CNTN4: variants seen among roughly 807,000 people sequenced by gnomAD.
The protein encoded by CNTN4 is contactin-4.
Under a neutral mutation model 122.5 loss-of-function variants are expected in CNTN4, and 77 were observed. The observed-to-expected ratio is 0.63, with a 90% confidence interval of 0.52 to 0.76. CNTN4 has a LOEUF of 0.76. Among genes scored for constraint, CNTN4 ranks in the 30% least tolerant of loss-of-function variants. The probability of loss-of-function intolerance (pLI) is 0.00; values close to 1 mark genes in which losing one functional copy is unlikely to be tolerated. For synonymous variants in CNTN4, 512 were observed against 447.0 expected (o/e 1.15, Z -1.83); for missense variants, 1,256 against 1,259.1 (o/e 1.00, Z 0.04).
chr3:2,510,710 G>A (rs2076862368), intron 3 of CNTN4, among the ~76,000 whole-genome samples: 1 of 152,140 alleles, frequency 6.6e-6, no homozygotes, highest in South Asian at 2.1e-4. Context: ...TTTTGATAAA[G>A]CGCAGAACAC....
At chr3:2,627,853 A>G (rs2082271783) in intron 4 of CNTN4, among the ~76,000 whole-genome samples, 1 of 152,222 alleles carries the variant, frequency 6.6e-6, no homozygotes, top group Non-Finnish European at 1.5e-5. Context: ...TTTATTATGA[A>G]TCAGGATTAA....
At chr3:2,697,812 A>T (rs1158253838) in intron 4 of CNTN4, among the ~76,000 whole-genome samples, 1 of 152,130 alleles carries the variant, frequency 6.6e-6, no homozygotes, top group Non-Finnish European at 1.5e-5. Context: ...CTGGAGATTC[A>T]GGGAAGAGTT....
At position 2,111,868 on chromosome 3, in the gene CNTN4, A is replaced by C. The variant is rs1453849333; in HGVS notation, c.-145+11229A>C. ...CCTTTCAATGCATTTATTCAATATG[A>C]TGCTTGTGTTGTAGATGAAATATGT... On this transcript the variant is annotated intron_variant, in intron 2 of 24. Transcript: ENST00000418658. Among the ~76,000 whole-genome samples the C allele has an allele frequency of 2.6e-5, 4 of 152,112 alleles. No homozygotes were observed. The South Asian group carries it at 8.3e-4, about 32-fold the overall frequency.
intron 24 of CNTN4, 51 bp from the exon 25 acceptor site, chr3:3,056,069 C>G: frequency 6.8e-7 from 1 of 1,462,814 alleles, no homozygotes; most frequent in Non-Finnish European, 9.6e-7. Context: ...CCCCTCTTCC[C>G]TTTGAAGCCG....
intron 6 of CNTN4, among the ~76,000 whole-genome samples, chr3:2,783,764 C>G (rs2091700812): frequency 6.6e-6 from 1 of 152,192 alleles, no homozygotes; most frequent in Non-Finnish European, 1.5e-5. Context: ...AAAGACGAAT[C>G]CATTTTCGGC....
At chr3:2,373,935 A>G (rs1257475278) in intron 3 of CNTN4, among the ~76,000 whole-genome samples, 1 of 152,220 alleles carries the variant, frequency 6.6e-6, no homozygotes, top group Non-Finnish European at 1.5e-5. Flanking sequence ...TGGTTAATTT[A>G]GAAAGCAAAA....
At chr3:2,327,159 G>GTT (rs2043499362) in intron 2 of CNTN4, among the ~76,000 whole-genome samples, 1 of 91,544 alleles carries the variant, frequency 1.1e-5, no homozygotes, top group African/African-American at 3.7e-5. Context: ...GTGTTTGTGT[G>GTT]TGTGTGTGTC....
chr3:2,945,364 A>G (rs571513208), intron 13 of CNTN4, among the ~76,000 whole-genome samples: 32 of 152,324 alleles, frequency 2.1e-4, no homozygotes, highest in African/African-American at 7.7e-4. Flanking sequence ...AAGGGAACGC[A>G]GTGTGATTCC....
chr3:2,300,155 A>G (rs1396360206), intron 2 of CNTN4, among the ~76,000 whole-genome samples: 1 of 152,192 alleles, frequency 6.6e-6, no homozygotes, highest in East Asian at 1.9e-4. Context: ...GAGCAGAGTT[A>G]TTTTATATTA....
chr3:2,293,094 G>A (rs572781037), intron 2 of CNTN4, among the ~76,000 whole-genome samples: 10 of 149,850 alleles, frequency 6.7e-5, no homozygotes, highest in African/African-American at 2.5e-4. Context: ...ATTCTTGTGG[G>A]TGTATAGTGC....
intron 2 of CNTN4, among the ~76,000 whole-genome samples, chr3:2,127,227 C>G (rs531525223): frequency 6.6e-6 from 1 of 152,268 alleles, no homozygotes; most frequent in South Asian, 2.1e-4. Flanking sequence ...GTTCCCATCA[C>G]AGCCCCAATG....
chr3:2,984,693 G>A (rs776877958), intron 13 of CNTN4, among the ~76,000 whole-genome samples: 83 of 152,152 alleles, frequency 5.5e-4, no homozygotes, highest in Non-Finnish European at 1.1e-3. Context: ...ATGGCTTTAG[G>A]TTTTTGGAAT....
intron 23 of CNTN4, among the ~76,000 whole-genome samples, chr3:3,044,000 A>T (rs143329523): frequency 3.0e-4 from 45 of 152,300 alleles, no homozygotes; most frequent in African/African-American, 9.4e-4. Flanking sequence ...AAACATTCCT[A>T]CTGTCAGCTT....
At chr3:2,771,672 G>C (rs1299391344) in intron 6 of CNTN4, among the ~76,000 whole-genome samples, 1 of 151,980 alleles carries the variant, frequency 6.6e-6, no homozygotes, top group Admixed American at 6.6e-5. Flanking sequence ...AATAGAAAAA[G>C]ATCTAAAGAA....
At chr3:3,043,232 C>G (rs1484838472) in intron 22 of CNTN4, 69 bp downstream of exon 22, 1 of 1,403,102 alleles carries the variant, frequency 7.1e-7, no homozygotes, top group East Asian at 2.3e-5. Flanking sequence ...TTCCTTATCC[C>G]CACCTCCCAA....
chr3:2,818,534 A>C (rs1163387573), intron 6 of CNTN4, among the ~76,000 whole-genome samples: 3 of 152,244 alleles, frequency 2.0e-5, no homozygotes, highest in African/African-American at 7.2e-5. Context: ...ATAAAATGTT[A>C]TTAAATCAAA....
At chr3:2,114,116 A>G (rs888818260) in intron 2 of CNTN4, among the ~76,000 whole-genome samples, 1 of 152,138 alleles carries the variant, frequency 6.6e-6, no homozygotes, top group Non-Finnish European at 1.5e-5. Context: ...AAGATAAAGT[A>G]GAAAGATGAG....
At chr3:2,802,125 A>C (rs1023589735) in intron 6 of CNTN4, among the ~76,000 whole-genome samples, 1 of 152,164 alleles carries the variant, frequency 6.6e-6, no homozygotes, top group African/African-American at 2.4e-5. Context: ...AATCATTTTT[A>C]TGCCTGAAGC....
intron 6 of CNTN4, among the ~76,000 whole-genome samples, chr3:2,797,920 A>ATTTTTTTTTTTTTT (rs10684232): frequency 7.3e-6 from 1 of 137,840 alleles, no homozygotes; most frequent in Non-Finnish European, 1.5e-5. Context: ...CACACTGAGT[A>ATTTTTTTTTTTTTT]TTTTTTTTTT....
Sources: allele counts gnomAD v4.1 joint callset (sites outside exome capture counted in the v4.1 genomes callset), GRCh38; gene constraint gnomAD v4.1.1; transcripts MANE v1.5; gene names NCBI Gene and HGNC (gene_info 2026-07-23, HGNC 2026-07-21).